The following WDR72 variants were observed in gnomAD, a reference collection of about 807,000 sequenced individuals.
The protein encoded by WDR72 is WD repeat-containing protein 72.
WDR72 carries 120 observed loss-of-function variants against 124.2 expected under a neutral mutation model. The ratio of observed to expected loss-of-function variants is 0.97; its 90% CI spans 0.83 to 1.12. The LOEUF (loss-of-function observed/expected upper bound fraction) is 1.12. Among genes scored for constraint, WDR72 ranks in the 50% most tolerant of loss-of-function variants. The pLI, the probability that WDR72 is intolerant of heterozygous loss-of-function variation, is 0.00. For synonymous variants in WDR72, 452 were observed against 441.7 expected, an observed-to-expected ratio of 1.02 and a Z score of -0.29; for missense variants, 1,387 against 1,278.8, an observed-to-expected ratio of 1.08 and a Z score of -1.29.
chr15:53,636,533 C>T (rs1262707230), intron 14 of WDR72, among the ~76,000 whole-genome samples: 1 of 152,082 alleles, frequency 6.6e-6, no homozygotes, highest in African/African-American at 2.4e-5. Flanking sequence ...ATCACATATA[C>T]TATCAATAAT....
At position 53,575,173 on chromosome 15, in the gene WDR72, G is replaced by A. The variant is rs553834357; in HGVS notation, c.3148+21906C>T. ...TTTTTCATATGAGTACTACCATATC[G>A]TATGTTCCGAACTCAACATAAGGGT... is the stretch of plus-strand genomic sequence containing the variant. On this transcript the variant is annotated intron_variant, in intron 18 of 19. Transcript: ENST00000360509. Among the ~76,000 whole-genome samples, 19 of 151,922 alleles carry A rather than the reference G, an allele frequency of 1.3e-4. No individual in the cohort carries two copies. In the South Asian group the frequency reaches 1.5e-3, roughly 12 times the overall value.
intron 14 of WDR72, among the ~76,000 whole-genome samples, chr15:53,619,094 G>A (rs1056288943): frequency 6.6e-6 from 1 of 151,592 alleles, no homozygotes; most frequent in African/African-American, 2.4e-5. Flanking sequence ...AAAACAAAAT[G>A]GTCATTTTTA....
intron 2 of WDR72, among the ~76,000 whole-genome samples, chr15:53,732,558 A>G (rs773537490): frequency 1.3e-5 from 2 of 152,204 alleles, no homozygotes; most frequent in Non-Finnish European, 2.9e-5. Context: ...AGAGACTAAA[A>G]GAATAGCAAG....
At position 53,737,279 on chromosome 15, in the gene WDR72, T is replaced by C. The variant is rs546405629; in HGVS notation, c.-12-4118A>G. ...ATATCAAAGGAACACAGAAGTCTGC[T>C]TGAAGGACCTCCCACAGGCCAAACC... On this transcript the variant is annotated intron_variant, in intron 1 of 19. Coordinates refer to ENST00000360509, the MANE Select transcript of WDR72 (RefSeq NM_182758.4). 2.0e-5 allele frequency among the ~76,000 whole-genome samples: 3 copies of C among 152,268 alleles called. No homozygotes were observed. In the South Asian group the frequency reaches 6.2e-4, roughly 32 times the overall value.
chr15:53,658,242 A>AT (rs760582347), intron 14 of WDR72, among the ~76,000 whole-genome samples: 3 of 152,004 alleles, frequency 2.0e-5, no homozygotes, highest in Admixed American at 6.6e-5. Flanking sequence ...ACCTTGGAGC[A>AT]TTTTTTTTCC....
intron 18 of WDR72, among the ~76,000 whole-genome samples, chr15:53,563,269 A>G (rs1357433771): frequency 2.0e-5 from 3 of 151,742 alleles, no homozygotes; most frequent in Non-Finnish European, 4.4e-5. Context: ...CAAGCAGACT[A>G]ATTTATTAAA....
chr15:53,554,502 G>C (rs2140284478), intron 18 of WDR72, among the ~76,000 whole-genome samples: 1 of 152,244 alleles, frequency 6.6e-6, no homozygotes, highest in East Asian at 1.9e-4. Context: ...AAGACTTTTG[G>C]TGTGCAGAGC....
chr15:53,741,160 C>T (rs1405519386), intron 1 of WDR72, among the ~76,000 whole-genome samples: 1 of 152,134 alleles, frequency 6.6e-6, no homozygotes, highest in Non-Finnish European at 1.5e-5. Flanking sequence ...GGATATAGTT[C>T]TAAAGACTCA....
chr15:53,605,241 A>G (rs1024298480), intron 17 of WDR72, among the ~76,000 whole-genome samples: 1 of 152,222 alleles, frequency 6.6e-6, no homozygotes, highest in Non-Finnish European at 1.5e-5. Context: ...ACACAGGAAC[A>G]GAAAACCGAA....
intron 14 of WDR72, among the ~76,000 whole-genome samples, chr15:53,634,279 G>T (rs1321920577): frequency 6.6e-6 from 1 of 152,118 alleles, no homozygotes; most frequent in Admixed American, 6.5e-5. Flanking sequence ...AATTCCCTGG[G>T]TTTTCACCTT....
chr15:53,657,039 C>T (rs915566119), intron 14 of WDR72, among the ~76,000 whole-genome samples: 23 of 151,762 alleles, frequency 1.5e-4, no homozygotes, highest in Admixed American at 7.9e-4. Context: ...CCAAGGCGGG[C>T]AGATCACAAG....
chr15:53,559,347 T>C (rs1894049707), intron 18 of WDR72, among the ~76,000 whole-genome samples: 1 of 151,862 alleles, frequency 6.6e-6, no homozygotes, highest in Non-Finnish European at 1.5e-5. Flanking sequence ...AACATGCAGG[T>C]TTTCTAAAAA....
chr15:53,615,504 A>G lies in WDR72; in HGVS notation c.2702T>C (p.Ile901Thr). 1.2e-6 allele frequency: 2 copies of G among 1,612,760 alleles called. No individual in the cohort carries two copies. The highest frequency in any genetic ancestry group is 2.7e-5 in the African/African-American group (2 of 74,990). ...AAATAGTCTGCTCAACAAATAAACT[A>G]TAGTATCTGACTCTCGCAAAGAATC... ...NCDSLRESDT[I>T]VYLLSRLFLV... Residue 901 changes from isoleucine (I) to threonine (T), a missense_variant, in exon 15 of 20, where the codon ATA becomes ACA. Transcript: ENST00000360509.
chr15:53,734,113 T>C (rs1595881263), intron 1 of WDR72, among the ~76,000 whole-genome samples: 1 of 152,208 alleles, frequency 6.6e-6, no homozygotes, highest in African/African-American at 2.4e-5. Context: ...TTTTTAAAAC[T>C]TATGATACAT....
intron 17 of WDR72, among the ~76,000 whole-genome samples, chr15:53,598,912 T>A (rs2012908761): frequency 6.6e-6 from 1 of 152,114 alleles, no homozygotes; most frequent in South Asian, 2.1e-4. Flanking sequence ...CCTATTAATA[T>A]CTACCATATG....
At chr15:53,533,334 T>C (rs1390524223) in intron 18 of WDR72, among the ~76,000 whole-genome samples, 2 of 151,880 alleles carry the variant, frequency 1.3e-5, no homozygotes, top group African/African-American at 4.8e-5. Flanking sequence ...AAAAGTTATA[T>C]ATACCTATGA....
In WDR72 at chr15:53,615,890, C is replaced by T. The variant is rs2013743162; in HGVS notation, c.2316G>A (p.Met772Ile). 6.2e-7 allele frequency: 1 copy of T among 1,613,494 alleles called. No individual in the cohort carries two copies. The highest frequency in any genetic ancestry group is 8.5e-7 in the Non-Finnish European group (1 of 1,179,656). The change falls in exon 15 of 20, where the codon ATG becomes ATA. Residue 772 changes from methionine (M) to isoleucine (I), a missense_variant. Physicochemically the swap from Met to Ile is conservative, Grantham distance 10 (BLOSUM62 1). Transcript: ENST00000360509. ...ENDGIKRQKK[M>I]KISKKMQPKP... ...TAGGCTGCATTTTTTTGGAGATCTT[C>T]ATTTTCTTCTGCCTTTTAATGCCAT...
chr15:53,519,828 T>A (rs1891687291), intron 19 of WDR72, among the ~76,000 whole-genome samples: 1 of 152,050 alleles, frequency 6.6e-6, no homozygotes, highest in Admixed American at 6.6e-5. Flanking sequence ...GTGACCTATA[T>A]GCAGACTGCA....
chr15:53,753,989 T>C (rs1304543339), intron 1 of WDR72, among the ~76,000 whole-genome samples: 1 of 152,154 alleles, frequency 6.6e-6, no homozygotes, highest in Non-Finnish European at 1.5e-5. Context: ...AAAGTGAGAA[T>C]TCATAATGAT....
Sources: gnomAD v4.1 joint callset for allele counts (sites outside exome capture counted in the v4.1 genomes callset) on GRCh38, gnomAD v4.1.1 for gene constraint, MANE v1.5 for transcripts, NCBI Gene and HGNC (gene_info 2026-07-23, HGNC 2026-07-21) for gene names.